ECE2: variants seen among roughly 807,000 people sequenced by gnomAD.
The protein encoded by ECE2 is endothelin-converting enzyme 2.
Under a neutral mutation model 100.6 loss-of-function variants are expected in ECE2, and 81 were observed. The ratio of observed to expected loss-of-function variants is 0.81; its 90% CI spans 0.67 to 0.97. The LOEUF (loss-of-function observed/expected upper bound fraction) is 0.97. Among genes scored for constraint, ECE2 ranks in the 50% least tolerant of loss-of-function variants. ECE2 has a pLI of 0.00. For synonymous variants in ECE2, 391 were observed against 391.5 expected, an observed-to-expected ratio of 1.00 and a Z score of 0.02; for missense variants, 911 against 988.1, an observed-to-expected ratio of 0.92 and a Z score of 1.05.
chr3:184,288,123 A>G (rs1721142759), intron 11 of ECE2, among the ~76,000 whole-genome samples, 176 bp downstream of exon 11: 1 of 152,104 alleles, frequency 6.6e-6, no homozygotes, highest in African/African-American at 2.4e-5. Context: ...AGCCTGGCCA[A>G]CATGGTGAAA....
rs930244902 is a variant in ECE2, at chr3:184,291,899, C to T, written c.2122-163C>T. 1.9e-5 allele frequency: 14 copies of T among 745,260 alleles called. No homozygotes were observed. Among genetic ancestry groups the T allele is most frequent in the African/African-American group, 7.1e-5 (4 of 56,628 alleles). 46.2% of individuals were successfully genotyped at this position (745,260 alleles called of 1,614,324 possible). On this transcript the variant is annotated intron_variant, in intron 18 of 18. Coordinates refer to ENST00000404464, the MANE Select transcript of ECE2 (RefSeq NM_001100121.2). This position sits in a 1 kb window ranked among gnomAD's most constrained non-coding sequence, Gnocchi z 4.1. ...CTTCTGGGGCTCCGCTTTTTCCCCTCGTCATGTCCATGCTGGGCAACCCGA... is the reference window on the plus strand; with the variant it reads ...CTTCTGGGGCTCCGCTTTTTCCCCTTGTCATGTCCATGCTGGGCAACCCGA...
chr3:184,277,536 A>T, intron 4 of ECE2, 70 bp downstream of exon 4: 11 of 1,514,746 alleles, frequency 7.3e-6, no homozygotes, highest in Non-Finnish European at 9.9e-6. Flanking sequence ...CCTGGCACTT[A>T]GCAAATAGGC....
chr3:184,278,336 G>A lies in ECE2; in HGVS notation c.750+23G>A, dbSNP rs1399072667. The A allele has an allele frequency of 2.5e-6, 4 of 1,611,952 alleles. No homozygotes were observed. The African/African-American group carries it at 4.0e-5, about 16-fold the overall frequency. ...CAGGTGATGAGCTGGGAAAGGGTGG[G>A]GAGAGACTTAGGGACACTTTGCTGA... On this transcript the variant is annotated intron_variant, in intron 6 of 18. Transcript: ENST00000404464.
Position 184,289,914 on chromosome 3 carries a change from A to G in ECE2, c.1551+196A>G, listed in dbSNP as rs542266728. Among the ~76,000 whole-genome samples, 6 of 152,314 alleles carry G rather than the reference A, an allele frequency of 3.9e-5. No individual in the cohort carries two copies. In the East Asian group the frequency reaches 1.2e-3, roughly 29 times the overall value. On this transcript the variant is annotated intron_variant, in intron 13 of 18. Transcript: ENST00000404464. This position sits in a 1 kb window ranked among gnomAD's most constrained non-coding sequence, Gnocchi z 4.1. The stretch of plus-strand genomic sequence containing the variant: ...CCAAACAGCAGTGAAATATAGTGCT[A>G]ACGAGCCAAGATTTGGAGTCAAGCC...
In ECE2 at chr3:184,278,432, G is replaced by T. The variant is rs1720669293; in HGVS notation, c.751-60G>T. 6.2e-6 allele frequency: 10 copies of T among 1,600,122 alleles called. No homozygotes were observed. In the South Asian group the frequency reaches 1.0e-4, roughly 16 times the overall value. On this transcript the variant is annotated intron_variant, in intron 6 of 18. Coordinates refer to ENST00000404464, the MANE Select transcript of ECE2 (RefSeq NM_001100121.2). ...CGGCCCCACCCCTACCCCCGCTCGGGAATTCAGGTTCCCATGGTGGGGAAA... is the reference window on the plus strand; with the variant it reads ...CGGCCCCACCCCTACCCCCGCTCGGTAATTCAGGTTCCCATGGTGGGGAAA...
chr3:184,289,322 A>C lies in ECE2; in HGVS notation c.1375-115A>C. 3 of 849,876 alleles carry C rather than the reference A, an allele frequency of 3.5e-6. No individual in the cohort carries two copies. Among genetic ancestry groups the C allele is most frequent in the Non-Finnish European group, 5.7e-6 (3 of 525,632 alleles). 52.6% of individuals were successfully genotyped at this position (849,876 alleles called of 1,614,324 possible). ...TCCAGGTGCTCAGCCGTATTTCTTT[A>C]GTCTAGACGTTCCCATTTCCCCTGG... is the stretch of plus-strand genomic sequence containing the variant. On this transcript the variant is annotated intron_variant, in intron 11 of 18. Transcript: ENST00000404464. This position sits in a 1 kb window ranked among gnomAD's most constrained non-coding sequence, Gnocchi z 4.1.
chr3:184,280,936 A>T (rs998539422), intron 7 of ECE2, among the ~76,000 whole-genome samples: 5 of 151,544 alleles, frequency 3.3e-5, no homozygotes, highest in Non-Finnish European at 7.4e-5. Context: ...CTGAGATGGC[A>T]CCACTGCACT....
chr3:184,284,430 T>C (rs529915064), intron 8 of ECE2, among the ~76,000 whole-genome samples: 2 of 151,542 alleles, frequency 1.3e-5, no homozygotes, highest in South Asian at 4.2e-4. Context: ...TAATCCCAGC[T>C]ACTCGGGAGG....
chr3:184,277,160 C>G lies in ECE2; in HGVS notation c.263-91C>G, dbSNP rs558137954. The G allele has an allele frequency of 2.9e-5, 47 of 1,601,964 alleles. 1 individual carries two copies. The East Asian group carries it at 6.7e-4, about 23-fold the overall frequency. On this transcript the variant is annotated intron_variant, in intron 3 of 18. Transcript: ENST00000404464. Reference sequence around the variant, plus strand: ...CCCCGGCTTTGCTTTCTCTTCCCAACCTTCCTGCTGTCATGGCCCTTGCAG... The same window carrying G: ...CCCCGGCTTTGCTTTCTCTTCCCAAGCTTCCTGCTGTCATGGCCCTTGCAG...
At chr3:184,287,275 C>CAAAA (rs1371919169) in intron 10 of ECE2, among the ~76,000 whole-genome samples, 1 of 99,670 alleles carries the variant, frequency 1.0e-5, no homozygotes. Flanking sequence ...GACTCCATCT[C>CAAAA]AAAAAAAAAA....
chr3:184,283,758 C>G, intron 7 of ECE2, 27 bp from the exon 8 acceptor site: 1 of 1,608,886 alleles, frequency 6.2e-7, no homozygotes, highest in Non-Finnish European at 8.5e-7. Context: ...TGTTGCTGGG[C>G]TCTGAGGATC....
At chr3:184,278,088 G>C in intron 5 of ECE2, 39 bp downstream of exon 5, 1 of 1,613,490 alleles carries the variant, frequency 6.2e-7, no homozygotes, top group Non-Finnish European at 8.5e-7. Context: ...GGGAGCAGGA[G>C]AGGCCTTGAG....
chr3:184,276,924 A>C lies in ECE2; in HGVS notation c.159A>C (p.Leu53Phe), dbSNP rs752287017. ...TCCAGAAGGGGACAAGACAGCTGTTAGGCTCACGCACGCAGCTGGAGCTGG... is the reference window on the plus strand; with the variant it reads ...TCCAGAAGGGGACAAGACAGCTGTTCGGCTCACGCACGCAGCTGGAGCTGG... ...VGFQKGTRQLLGSRTQLELVL... is the reference protein window; with the variant it reads ...VGFQKGTRQLFGSRTQLELVL... The change falls in exon 3 of 19, where the codon TTA (leucine) becomes TTC (phenylalanine). Residue 53 changes from leucine to phenylalanine, a missense_variant. By Grantham distance (22) the Leu-to-Phe change is conservative. Transcript: ENST00000404464. 3 of 1,614,144 alleles carry C rather than the reference A, an allele frequency of 1.9e-6. No individual in the cohort carries two copies. The South Asian group carries it at 3.3e-5, about 18-fold the overall frequency.
At chr3:184,277,544 G>T in intron 4 of ECE2, 78 bp downstream of exon 4, 2 of 1,479,670 alleles carry the variant, frequency 1.4e-6, no homozygotes, top group Non-Finnish European at 1.8e-6. Context: ...TTAGCAAATA[G>T]GCAGTGTCCA....
chr3:184,292,001 G>A, intron 18 of ECE2, 61 bp from the exon 19 acceptor site: 5 of 1,543,230 alleles, frequency 3.2e-6, no homozygotes, highest in Non-Finnish European at 4.4e-6. Flanking sequence ...GGCTGTAGCT[G>A]ACTCTAAGGC....
In ECE2 at chr3:184,277,265, A is replaced by C. The variant is rs200926034; in HGVS notation, c.277A>C (p.Thr93Pro). Residue 93 changes from threonine (T) to proline (P), a missense_variant, in exon 4 of 19, where the codon ACC becomes CCC. By Grantham distance (38) the Thr-to-Pro change is conservative. Transcript: ENST00000404464. ...CCCTACCACAGACCCATCCCACAGC[A>C]CCTGCCTTACAGAGGCCTGCATTCG... ...VQYHRDPSHS[T>P]CLTEACIRVA... The C allele has an allele frequency of 3.9e-5, 63 of 1,614,000 alleles. No homozygotes were observed. The highest frequency in any genetic ancestry group is 5.3e-5 in the Non-Finnish European group (62 of 1,180,026).
chr3:184,288,428 T>C (rs892640897), intron 11 of ECE2, among the ~76,000 whole-genome samples: 1 of 152,108 alleles, frequency 6.6e-6, no homozygotes, highest in Non-Finnish European at 1.5e-5. Flanking sequence ...AAGTTGTCTA[T>C]GTGTTTATGT....
intron 7 of ECE2, among the ~76,000 whole-genome samples, chr3:184,283,277 A>G (rs768960055): frequency 2.8e-4 from 42 of 152,058 alleles, no homozygotes; most frequent in Admixed American, 9.8e-4. Flanking sequence ...GTAAGTAAAC[A>G]TGGCCGGGTG....
In ECE2 at chr3:184,276,464, C is replaced by T; in HGVS notation, c.40-17C>T. On this transcript the variant is annotated splice_polypyrimidine_tract_variant and intron_variant, in intron 1 of 18. Transcript: ENST00000404464. Reference sequence around the variant, plus strand: ...CTCTCTGCCTGACCTCGGTTGGCAACCCCGACTGTCTGGCAGATGGTGGAG... The same window carrying T: ...CTCTCTGCCTGACCTCGGTTGGCAATCCCGACTGTCTGGCAGATGGTGGAG... The T allele has an allele frequency of 6.2e-7, 1 of 1,601,458 alleles. No homozygotes were observed. Among genetic ancestry groups the T allele is most frequent in the African/African-American group, 1.3e-5 (1 of 74,942 alleles).
Sources: allele counts gnomAD v4.1 joint callset (sites outside exome capture counted in the v4.1 genomes callset), GRCh38; gene constraint gnomAD v4.1.1; non-coding constraint Gnocchi (gnomAD v3.1); transcripts MANE v1.5; gene names NCBI Gene and HGNC (gene_info 2026-07-23, HGNC 2026-07-21).